Variants in VPS26B observed in about 807,000 individuals in gnomAD.
VPS26B encodes the protein VPS26 retromer complex component B.
Under a neutral mutation model 33.3 loss-of-function variants are expected in VPS26B, and 10 were observed. The observed-to-expected ratio is 0.30, with a 90% confidence interval of 0.19 to 0.51. The LOEUF (loss-of-function observed/expected upper bound fraction) is 0.51. Among genes scored for constraint, VPS26B ranks in the 20% least tolerant of loss-of-function variants. The pLI is 0.98. For synonymous variants in VPS26B, 190 were observed against 176.9 expected (o/e 1.07, Z -0.59); for missense variants, 317 against 452.7 (o/e 0.70, Z 2.72).
intron 2 of VPS26B, among the ~76,000 whole-genome samples, chr11:134,238,068 A>G (rs1938659103): frequency 6.6e-6 from 1 of 152,194 alleles, no homozygotes; most frequent in Non-Finnish European, 1.5e-5. Context: ...ATGCCGGACC[A>G]AGGCTTCCAC....
intron 2 of VPS26B, among the ~76,000 whole-genome samples, chr11:134,238,089 T>C (rs1422188446): frequency 2.6e-5 from 4 of 151,662 alleles, no homozygotes; most frequent in Non-Finnish European, 4.4e-5. Context: ...ATTAGAATCA[T>C]GTGGGAAGCT....
intron 1 of VPS26B, among the ~76,000 whole-genome samples, chr11:134,227,736 A>G (rs1419966936): frequency 6.6e-6 from 1 of 152,228 alleles, no homozygotes; most frequent in African/African-American, 2.4e-5. Flanking sequence ...CAAGCAAGGA[A>G]AATAACATCA....
chr11:134,235,865 A>T (rs1204594027), intron 2 of VPS26B, among the ~76,000 whole-genome samples: 1 of 152,186 alleles, frequency 6.6e-6, no homozygotes, highest in Non-Finnish European at 1.5e-5. Context: ...ATGTGATGCT[A>T]CTGGGATAAA....
rs186907002 is a variant in VPS26B at position 134,242,036 on chromosome 11, T to C, written c.546-1083T>C. ...TTGTTGGGTTTTTGTTTTTTGTTTTTTAACTCTCCCCGCTTACACCTAGAG... is the reference window on the plus strand; with the variant it reads ...TTGTTGGGTTTTTGTTTTTTGTTTTCTAACTCTCCCCGCTTACACCTAGAG... On this transcript the variant is annotated intron_variant, in intron 3 of 5. Transcript: ENST00000281187. 2.0e-5 allele frequency among the ~76,000 whole-genome samples: 3 copies of C among 152,370 alleles called. No homozygotes were observed. In the East Asian group the frequency reaches 5.8e-4, roughly 29 times the overall value.
chr11:134,230,369 C>A (rs190037466), intron 1 of VPS26B, among the ~76,000 whole-genome samples: 47 of 152,284 alleles, frequency 3.1e-4, no homozygotes, highest in Non-Finnish European at 6.5e-4. Context: ...TGTTTTCTTT[C>A]CTTTTCCCAC....
In VPS26B at chr11:134,239,993, A is replaced by G; in HGVS notation, c.383A>G (p.Tyr128Cys). 1.2e-6 allele frequency: 2 copies of G among 1,614,032 alleles called. No homozygotes were observed. Among genetic ancestry groups the G allele is most frequent in the Non-Finnish European group, 1.7e-6 (2 of 1,179,998 alleles). The change falls in exon 3 of 6, where the codon TAT becomes TGT. Residue 128 changes from tyrosine (Y) to cysteine (C), a missense_variant and splice_region_variant. Physicochemically the swap from Tyr to Cys is radical, Grantham distance 194. Transcript: ENST00000281187. ...CATGACAGTTCCGTCTCCTACAGCTATTTCCTTCGTGCTACCATCAGCCGC... is the reference window on the plus strand; with the variant it reads ...CATGACAGTTCCGTCTCCTACAGCTGTTTCCTTCGTGCTACCATCAGCCGC... ...SYTGQNVKLR[Y>C]FLRATISRRL...
intron 1 of VPS26B, among the ~76,000 whole-genome samples, chr11:134,228,720 A>G (rs1395458550): frequency 2.6e-5 from 4 of 152,326 alleles, no homozygotes; most frequent in South Asian, 2.1e-4. Context: ...TATTTGTGTC[A>G]TACACCTGTG....
chr11:134,236,669 T>G (rs1334783539), intron 2 of VPS26B: 1 of 152,186 alleles, frequency 6.6e-6, no homozygotes, highest in Non-Finnish European at 1.5e-5. Context: ...ACAACATGGG[T>G]GAACCTAAAG....
At chr11:134,238,421 A>G (rs368220066) in intron 2 of VPS26B, among the ~76,000 whole-genome samples, 4 of 152,020 alleles carry the variant, frequency 2.6e-5, no homozygotes, top group Admixed American at 6.6e-5. Context: ...GGGTGGGGAG[A>G]CTTGGGAGGC....
intron 1 of VPS26B, among the ~76,000 whole-genome samples, chr11:134,231,265 C>A (rs1938551843): frequency 6.6e-6 from 1 of 151,554 alleles, no homozygotes; most frequent in Admixed American, 6.6e-5. Context: ...CCATTAATAC[C>A]AATCAAGCCC....
rs184631390 is a variant in VPS26B at position 134,236,111 on chromosome 11, A to T, written c.380+1058A>T. The stretch of plus-strand genomic sequence containing the variant: ...CTGGCACCTTGGCCAGGAATTCGAC[A>T]CCAGCCTGGGCAACATATTGAGACC... On this transcript the variant is annotated intron_variant, in intron 2 of 5. Coordinates refer to ENST00000281187, the MANE Select transcript of VPS26B (RefSeq NM_052875.5). Among the ~76,000 whole-genome samples the T allele has an allele frequency of 2.6e-4, 39 of 152,180 alleles. No individual in the cohort carries two copies. The East Asian group carries it at 6.9e-3, about 27-fold the overall frequency.
In VPS26B at chr11:134,224,795, C is replaced by G. The variant is rs1316067650; in HGVS notation, c.-328C>G. 1.3e-5 allele frequency: 2 copies of G among 153,658 alleles called. No individual in the cohort carries two copies. Among genetic ancestry groups the G allele is most frequent in the African/African-American group, 4.8e-5 (2 of 41,456 alleles). The allele number at this position is 153,658 out of a possible 1,614,324, so 9.5% of individuals were successfully genotyped here. A position where few individuals can be genotyped will look rare whatever the true frequency, so the allele number is the denominator to read the frequency against. On this transcript the variant is annotated 5_prime_UTR_variant, in exon 1 of 6. Transcript: ENST00000281187. Reference sequence around the variant, plus strand: ...CACCCGGCTCTGTGCGGCTGCCCCCCGCAGCATTGCACGGCCGACCCTCGC... The same window carrying G: ...CACCCGGCTCTGTGCGGCTGCCCCCGGCAGCATTGCACGGCCGACCCTCGC...
rs1402440592 is a variant in VPS26B at position 134,240,237 on chromosome 11, C to G, written c.545+82C>G. On this transcript the variant is annotated intron_variant, in intron 3 of 5. Transcript: ENST00000281187. This position sits in a 1 kb window ranked among gnomAD's most constrained non-coding sequence, Gnocchi z 4.4. ...CTTGATGCAGATGCAAACTGATGAC[C>G]CTCTGTGACTCGACTGCTTTGTGGT... 2.0e-6 allele frequency: 3 copies of G among 1,486,572 alleles called. No homozygotes were observed. In the African/African-American group the frequency reaches 4.1e-5, roughly 20 times the overall value. 92.1% of individuals were successfully genotyped at this position (1,486,572 alleles called of 1,614,324 possible). A position where few individuals can be genotyped will look rare whatever the true frequency, so the allele number is the denominator to read the frequency against.
At chr11:134,242,872 A>G (rs1266783582) in intron 3 of VPS26B, among the ~76,000 whole-genome samples, 2 of 152,216 alleles carry the variant, frequency 1.3e-5, no homozygotes, top group Non-Finnish European at 2.9e-5. Context: ...ATGAACAAAC[A>G]TGAATGGGTA....
chr11:134,235,064 T>C lies in VPS26B; in HGVS notation c.380+11T>C. The C allele has an allele frequency of 6.2e-7, 1 of 1,612,426 alleles. No individual in the cohort carries two copies. The highest frequency in any genetic ancestry group is 1.3e-5 in the African/African-American group (1 of 75,000). On this transcript the variant is annotated intron_variant, in intron 2 of 5. Coordinates refer to ENST00000281187, the MANE Select transcript of VPS26B (RefSeq NM_052875.5). ...GAATGTGAAGCTACGGTAAGTGATG[T>C]CTGCTGGTTCCCCACTGTACCCTAG... is the stretch of plus-strand genomic sequence containing the variant.
At position 134,224,939 on chromosome 11, in the gene VPS26B, C is replaced by G. The variant is rs961074009; in HGVS notation, c.-184C>G. The G allele has an allele frequency of 9.7e-6, 3 of 310,472 alleles. No individual in the cohort carries two copies. The highest frequency in any genetic ancestry group is 4.4e-5 in the African/African-American group (2 of 45,110). The allele number at this position is 310,472 out of a possible 1,614,324, so 19.2% of individuals were successfully genotyped here. On this transcript the variant is annotated 5_prime_UTR_variant, in exon 1 of 6. Transcript: ENST00000281187. The stretch of plus-strand genomic sequence containing the variant: ...AGCCGCCAGCCTCCCCCGGCCGTGC[C>G]CCTCCCCCGTGGAGCCGGCTGTCCG...
In VPS26B at chr11:134,243,110, G is replaced by A. The variant is rs1362012098; in HGVS notation, c.546-9G>A. 4 of 1,613,916 alleles carry A rather than the reference G, an allele frequency of 2.5e-6. No individual in the cohort carries two copies. In the East Asian group the frequency reaches 6.7e-5, roughly 27 times the overall value. ...CAACATCTTACTTTCTGTACTTTCTGTTCCCCAGATACCACTTGAAAGATG... is the reference window on the plus strand; with the variant it reads ...CAACATCTTACTTTCTGTACTTTCTATTCCCCAGATACCACTTGAAAGATG... On this transcript the variant is annotated splice_polypyrimidine_tract_variant and intron_variant, in intron 3 of 5. Coordinates refer to ENST00000281187, the MANE Select transcript of VPS26B (RefSeq NM_052875.5).
rs368261836 is a variant in VPS26B at position 134,235,030 on chromosome 11, C to T, written c.357C>T (p.Tyr119=). Residue 119 remains tyrosine (Y), a synonymous_variant, in exon 2 of 6, where the codon TAC becomes TAT. Coordinates refer to ENST00000281187, the MANE Select transcript of VPS26B (RefSeq NM_052875.5). The part of the protein sequence containing the change: ...FTHVEKPYES[Y]TGQNVKLRYF... ...ACGTGGAGAAGCCGTATGAGTCCTA[C>T]ACAGGGCAGAATGTGAAGCTACGGT... The T allele has an allele frequency of 4.7e-5, 76 of 1,613,984 alleles. No individual in the cohort carries two copies. The highest frequency in any genetic ancestry group is 6.7e-5 in the Admixed American group (4 of 59,996).
intron 1 of VPS26B, among the ~76,000 whole-genome samples, chr11:134,230,121 A>G (rs1038024101): frequency 2.0e-5 from 3 of 152,186 alleles, no homozygotes; most frequent in Non-Finnish European, 4.4e-5. Flanking sequence ...CTGTTCTTCC[A>G]GAGGCCTCAT....
Sources: allele counts gnomAD v4.1 joint callset (sites outside exome capture counted in the v4.1 genomes callset), GRCh38; gene constraint gnomAD v4.1.1; non-coding constraint Gnocchi (gnomAD v3.1); transcripts MANE v1.5; gene names NCBI Gene and HGNC (gene_info 2026-07-23, HGNC 2026-07-21).